SYT14: variants seen among roughly 807,000 people sequenced by gnomAD.
SYT14 encodes synaptotagmin 14.
A neutral mutation model predicts 74.2 loss-of-function variants in SYT14; 32 were observed. The observed-to-expected ratio is 0.43, with a 90% CI of 0.33 to 0.58. SYT14 has a LOEUF of 0.58. Among genes scored for constraint, SYT14 ranks in the 20% least tolerant of loss-of-function variants. The pLI is 0.05. For synonymous variants in SYT14, 298 were observed against 337.7 expected (o/e 0.88, Z 1.29); for missense variants, 791 against 981.8 (o/e 0.81, Z 2.60).
At chr1:210,023,546 A>G (rs1277095778) in intron 5 of SYT14, among the ~76,000 whole-genome samples, 4 of 151,798 alleles carry the variant, frequency 2.6e-5, no homozygotes, top group Non-Finnish European at 5.9e-5. Flanking sequence ...GCTTCACCAT[A>G]TTGGCCAGGC....
chr1:209,969,122 AC>A (rs1332970282), intron 2 of SYT14, among the ~76,000 whole-genome samples: 5 of 152,200 alleles, frequency 3.3e-5, no homozygotes, highest in African/African-American at 1.2e-4. Flanking sequence ...GTTTATGGAC[AC>A]ATTTTCTTTA....
At chr1:210,145,927 A>C (rs912248078) in intron 7 of SYT14, among the ~76,000 whole-genome samples, 5 of 152,234 alleles carry the variant, frequency 3.3e-5, no homozygotes, top group Non-Finnish European at 5.9e-5. Flanking sequence ...CCTTGAAATC[A>C]GTTCATCTAT....
At chr1:209,942,900 CTATG>C (rs1205231646) in intron 1 of SYT14, among the ~76,000 whole-genome samples, 2 of 152,010 alleles carry the variant, frequency 1.3e-5, no homozygotes, top group South Asian at 2.1e-4. Flanking sequence ...TAGTGAGAAT[CTATG>C]TGTGTGTTTG....
At chr1:209,951,532 A>C (rs1233766700) in intron 1 of SYT14, among the ~76,000 whole-genome samples, 1 of 152,012 alleles carries the variant, frequency 6.6e-6, no homozygotes, top group East Asian at 1.9e-4. Flanking sequence ...ATCCATTTCC[A>C]CCATGTGCCA....
chr1:209,945,055 TTTA>T lies in SYT14; in HGVS notation c.-534+6782_-534+6784del, dbSNP rs556347285. Among the ~76,000 whole-genome samples, 10 of 152,212 alleles carry T rather than the reference TTTA, an allele frequency of 6.6e-5. No individual in the cohort carries two copies. The East Asian group carries it at 1.9e-3, about 29-fold the overall frequency. ...TCTCTTGTCTGCAGCAGACATCTGT[TTTA>T]TTAAGACATCTTTTTTCCTGCCAGT... On this transcript the variant is annotated intron_variant, in intron 1 of 9. Transcript: ENST00000637265.
chr1:210,106,303 G>C (rs2082156353), intron 7 of SYT14, among the ~76,000 whole-genome samples: 1 of 152,254 alleles, frequency 6.6e-6, no homozygotes, highest in African/African-American at 2.4e-5. Context: ...GGGAATTCTG[G>C]AACTAAAATA....
At chr1:210,073,183 A>G (rs934548748) in intron 5 of SYT14, among the ~76,000 whole-genome samples, 5 of 151,984 alleles carry the variant, frequency 3.3e-5, no homozygotes, top group East Asian at 1.9e-4. Flanking sequence ...ATAAATTTCA[A>G]TGGTAAGTTC....
At chr1:210,136,153 G>A (rs371730574) in intron 7 of SYT14, among the ~76,000 whole-genome samples, 9 of 152,128 alleles carry the variant, frequency 5.9e-5, no homozygotes, top group African/African-American at 2.2e-4. Context: ...TGAAATACAA[G>A]GGATGCCTCC....
At chr1:210,010,771 A>G (rs1388260774) in intron 2 of SYT14, among the ~76,000 whole-genome samples, 1 of 152,222 alleles carries the variant, frequency 6.6e-6, no homozygotes, top group Non-Finnish European at 1.5e-5. Context: ...AAACAGAAGC[A>G]GTATGAGTAG....
At chr1:209,964,167 G>A (rs945680385) in intron 2 of SYT14, among the ~76,000 whole-genome samples, 3 of 152,138 alleles carry the variant, frequency 2.0e-5, no homozygotes, top group Non-Finnish European at 2.9e-5. Flanking sequence ...GTGTTAGTGA[G>A]TGAGTTTTCA....
At chr1:210,093,316 C>G (rs1214409053) in intron 5 of SYT14, among the ~76,000 whole-genome samples, 2 of 151,990 alleles carry the variant, frequency 1.3e-5, no homozygotes, top group African/African-American at 4.8e-5. Flanking sequence ...GTACAAACTA[C>G]TGTTTCAGGG....
At chr1:210,060,762 C>T (rs992064696) in intron 5 of SYT14, among the ~76,000 whole-genome samples, 1 of 151,990 alleles carries the variant, frequency 6.6e-6, no homozygotes, top group Non-Finnish European at 1.5e-5. Flanking sequence ...TTTCCATTTG[C>T]TGTTGCTGTT....
intron 2 of SYT14, among the ~76,000 whole-genome samples, chr1:209,984,605 C>T (rs1045436927): frequency 6.6e-6 from 1 of 152,104 alleles, no homozygotes; most frequent in Non-Finnish European, 1.5e-5. Context: ...GTCTGAAGAA[C>T]TTTAATATTT....
At chr1:210,088,723 T>C (rs2081795801) in intron 5 of SYT14, among the ~76,000 whole-genome samples, 1 of 151,904 alleles carries the variant, frequency 6.6e-6, no homozygotes, top group South Asian at 2.1e-4. Flanking sequence ...TTCTTATTTT[T>C]GTTAACTTCT....
chr1:210,085,702 G>A (rs534352861), intron 5 of SYT14, among the ~76,000 whole-genome samples: 1 of 152,288 alleles, frequency 6.6e-6, no homozygotes, highest in East Asian at 1.9e-4. Flanking sequence ...CATCTTAAAT[G>A]TTAAATGTTG....
rs371274909 is a variant in SYT14 at position 209,965,178 on chromosome 1, A to T, written c.-486+12422A>T. Among the ~76,000 whole-genome samples the T allele has an allele frequency of 8.5e-5, 13 of 152,338 alleles. No homozygotes were observed. The East Asian group carries it at 2.5e-3, about 29-fold the overall frequency. ...TGAAATCTGGGCTTCTGTTGGATCC[A>T]TCACCCAAAGAGTAAACAGAATACT... On this transcript the variant is annotated intron_variant, in intron 2 of 9. Coordinates refer to ENST00000637265, the Ensembl canonical transcript of SYT14.
At chr1:210,039,392 A>G (rs953914843) in intron 5 of SYT14, among the ~76,000 whole-genome samples, 16 of 152,116 alleles carry the variant, frequency 1.1e-4, no homozygotes, top group African/African-American at 3.9e-4. Context: ...ATCAAGATGG[A>G]TTAAAGACTT....
intron 5 of SYT14, 82 bp from the exon 5 acceptor site, chr1:210,094,240 A>G: frequency 6.3e-7 from 1 of 1,594,442 alleles, no homozygotes; most frequent in Non-Finnish European, 8.6e-7. Context: ...TCCAGTTTTC[A>G]AAAGTTATTT....
chr1:210,025,369 A>G (rs1291592791), intron 5 of SYT14, among the ~76,000 whole-genome samples: 1 of 152,214 alleles, frequency 6.6e-6, no homozygotes, highest in Non-Finnish European at 1.5e-5. Context: ...TACACTTCTT[A>G]TTGCTGTGAC....
Sources: gnomAD v4.1 joint callset for allele counts (sites outside exome capture counted in the v4.1 genomes callset) on GRCh38, gnomAD v4.1.1 for gene constraint, MANE v1.5 for transcripts, NCBI Gene and HGNC (gene_info 2026-07-23, HGNC 2026-07-21) for gene names.